The following DEPDC5 variants were observed in gnomAD, a reference collection of about 807,000 sequenced individuals.
DEPDC5 encodes DEP domain containing 5, GATOR1 subcomplex subunit.
In DEPDC5, 73 loss-of-function variants were observed where a neutral mutation model predicts 217.3. The observed-to-expected ratio is 0.34, with a 90% CI of 0.28 to 0.41. The LOEUF (loss-of-function observed/expected upper bound fraction) is 0.41, where lower values mean the gene tolerates loss of function less well. Ranked by LOEUF, DEPDC5 falls within the 10% of genes least tolerant of loss-of-function variation. The probability of loss-of-function intolerance (pLI) is 1.00; values close to 1 mark genes in which losing one functional copy is unlikely to be tolerated. For missense variants in DEPDC5, 1,675 were observed against 2,070.1 expected, an observed-to-expected ratio of 0.81 and a Z score of 3.70; for synonymous variants, 733 against 756.7, an observed-to-expected ratio of 0.97 and a Z score of 0.51.
chr22:31,892,634 A>G (rs1364974014), intron 38 of DEPDC5, among the ~76,000 whole-genome samples: 1 of 151,904 alleles, frequency 6.6e-6, no homozygotes, highest in Non-Finnish European at 1.5e-5. Flanking sequence ...CAGTGAGCCA[A>G]GATCACGCTA....
intron 25 of DEPDC5, 78 bp downstream of exon 25, chr22:31,834,058 GC>G (rs758276600): frequency 1.3e-5 from 19 of 1,447,916 alleles, no homozygotes; most frequent in Non-Finnish European, 1.6e-5. Context: ...ACAAGAGGAA[GC>G]CCTGTGGGAA....
intron 22 of DEPDC5, among the ~76,000 whole-genome samples, chr22:31,821,007 A>G (rs1171563179): frequency 6.6e-6 from 1 of 152,208 alleles, no homozygotes. Flanking sequence ...ACTTAGCTCT[A>G]CAAGTTCTCC....
rs746711613 is a variant in DEPDC5 at position 31,819,153 on chromosome 22, C to T, written c.1798C>T (p.Pro600Ser). 1 of 1,614,128 alleles carries T rather than the reference C, an allele frequency of 6.2e-7. No homozygotes were observed. Among genetic ancestry groups the T allele is most frequent in the Non-Finnish European group, 8.5e-7 (1 of 1,180,032 alleles). ...CACGCCCCAGAGAGCACTGATTAAC[C>T]CCTTCGCTCCCTCTCGGATGCCCAT... is the stretch of plus-strand genomic sequence containing the variant. ...GYTPQRALIN[P>S]FAPSRMPMKL... The change falls in exon 22 of 43, where the codon CCC becomes TCC. Residue 600 changes from proline to serine, a missense_variant. Pro to Ser is a moderately conservative substitution (Grantham distance 74). This residue lies in a region of DEPDC5 where 628 missense variants were observed against 762.1 expected (regional missense o/e 0.82). Transcript: ENST00000651528.
intron 31 of DEPDC5, among the ~76,000 whole-genome samples, chr22:31,851,822 G>A (rs769950354): frequency 2.0e-5 from 3 of 152,222 alleles, no homozygotes; most frequent in Non-Finnish European, 2.9e-5. Flanking sequence ...GAATTGGAAA[G>A]ACAGTGTGGG....
At chr22:31,867,815 T>G (rs1189534710) in intron 33 of DEPDC5, among the ~76,000 whole-genome samples, 1 of 152,074 alleles carries the variant, frequency 6.6e-6, no homozygotes, top group East Asian at 1.9e-4. Flanking sequence ...AAAATAGGAC[T>G]GCAGGACTAA....
Position 31,822,711 on chromosome 22 carries a change from G to C in DEPDC5, c.2025G>C (p.Gln675His). Residue 675 changes from glutamine (Q) to histidine (H), a missense_variant, in exon 24 of 43, where the codon CAG becomes CAC. By Grantham distance (24) the Gln-to-His change is conservative. Coordinates refer to ENST00000651528, the MANE Select transcript of DEPDC5 (RefSeq NM_001242896.3). ...EAAGRHSNSRQPGDGMSFLNF... is the reference protein window; with the variant it reads ...EAAGRHSNSRHPGDGMSFLNF... ...TCTGCAGGCACAGCAATTCCCGCCAGCCTGGTGACGGCATGTCCTTCTTGA... is the reference window on the plus strand; with the variant it reads ...TCTGCAGGCACAGCAATTCCCGCCACCCTGGTGACGGCATGTCCTTCTTGA... 2.5e-6 allele frequency: 4 copies of C among 1,614,156 alleles called. No homozygotes were observed. The highest frequency in any genetic ancestry group is 3.4e-6 in the Non-Finnish European group (4 of 1,179,994).
chr22:31,905,848 G>A (rs1164948604), intron 41 of DEPDC5, 136 bp from the exon 42 acceptor site: 6 of 749,328 alleles, frequency 8.0e-6, no homozygotes, highest in South Asian at 1.8e-5. Flanking sequence ...TAAGCAGCCT[G>A]CATGTGCAAT....
intron 16 of DEPDC5, 48 bp downstream of exon 16, chr22:31,804,271 T>C (rs1430985547): frequency 1.3e-6 from 2 of 1,591,090 alleles, no homozygotes; most frequent in East Asian, 2.2e-5. Context: ...GGAGTATAGT[T>C]AGAAAGAGAA....
chr22:31,891,407 G>T, intron 38 of DEPDC5: 1 of 291,960 alleles, frequency 3.4e-6, no homozygotes, highest in Non-Finnish European at 6.6e-6. Context: ...GTCAACTTTT[G>T]GTTAATCTCT....
intron 3 of DEPDC5, among the ~76,000 whole-genome samples, chr22:31,759,826 G>A (rs764004523): frequency 6.6e-6 from 1 of 151,400 alleles, no homozygotes; most frequent in Non-Finnish European, 1.5e-5. Context: ...GGAACTACAG[G>A]TGTGGGCCAC....
At chr22:31,879,819 G>C in intron 38 of DEPDC5, 67 bp downstream of exon 38, 1 of 1,452,160 alleles carries the variant, frequency 6.9e-7, no homozygotes, top group Non-Finnish European at 9.4e-7. Context: ...GTAGTGGCCA[G>C]CCAAGGGAAC....
chr22:31,905,927 C>G, intron 41 of DEPDC5, 57 bp from the exon 42 acceptor site: 1 of 1,478,230 alleles, frequency 6.8e-7, no homozygotes, highest in Non-Finnish European at 9.4e-7. Context: ...ACATTCTCTT[C>G]CCTTGCCCCT....
At chr22:31,853,100 G>T (rs1315695721) in intron 31 of DEPDC5, 1 of 152,188 alleles carries the variant, frequency 6.6e-6, no homozygotes, top group Non-Finnish European at 1.5e-5. Context: ...AAGATGCCAG[G>T]ACTCTGTGTG....
chr22:31,775,169 A>AT (rs1263484680), intron 7 of DEPDC5, among the ~76,000 whole-genome samples: 1 of 150,148 alleles, frequency 6.7e-6, no homozygotes, highest in Non-Finnish European at 1.5e-5. Flanking sequence ...CTTTTATCTG[A>AT]TTTTGTCTTC....
chr22:31,895,650 C>T (rs1269107966), intron 39 of DEPDC5, among the ~76,000 whole-genome samples: 2 of 151,944 alleles, frequency 1.3e-5, no homozygotes, highest in African/African-American at 4.8e-5. Flanking sequence ...TTACTAAAAG[C>T]TAGGAGATAA....
chr22:31,802,813 G>T lies in DEPDC5; in HGVS notation c.1056G>T (p.Leu352=), dbSNP rs1254005063. Residue 352 remains leucine, a synonymous_variant, in exon 15 of 43, where the codon CTG becomes CTT. Transcript: ENST00000651528. ...VFEVDRLLMI[L]TKQRMIDNGI... Reference sequence around the variant, plus strand: ...AAGTGGACCGCCTACTCATGATCCTGACCAAGCAGCGGATGATAGATAATG... The same window carrying T: ...AAGTGGACCGCCTACTCATGATCCTTACCAAGCAGCGGATGATAGATAATG... The T allele has an allele frequency of 6.2e-7, 1 of 1,605,578 alleles. No homozygotes were observed. Among genetic ancestry groups the T allele is most frequent in the Non-Finnish European group, 8.5e-7 (1 of 1,176,432 alleles).
chr22:31,902,409 TA>T (rs57933078), intron 41 of DEPDC5, among the ~76,000 whole-genome samples: 10,057 of 35,214 alleles, frequency 0.29, 1,052 homozygotes, highest in African/African-American at 0.47. Context: ...ATCTCCTTAT[TA>T]TATATATATA....
chr22:31,755,235 A>G (rs955735081), intron 2 of DEPDC5: 2 of 507,356 alleles, frequency 3.9e-6, no homozygotes, highest in Non-Finnish European at 7.0e-6. Flanking sequence ...ATTATTAATT[A>G]CAAATCTTCC....
chr22:31,788,819 G>A (rs944906123), intron 10 of DEPDC5, among the ~76,000 whole-genome samples: 5 of 146,848 alleles, frequency 3.4e-5, no homozygotes, highest in South Asian at 2.2e-4. Flanking sequence ...CAGGTGATCC[G>A]CCCGCCTTGG....
Sources: gnomAD v4.1 joint callset for allele counts (sites outside exome capture counted in the v4.1 genomes callset) on GRCh38, gnomAD v4.1.1 for gene constraint, gnomAD v4.1.1 regional missense constraint, MANE v1.5 for transcripts, NCBI Gene and HGNC (gene_info 2026-07-23, HGNC 2026-07-21) for gene names.